SLC16A10: variants seen among roughly 807,000 people sequenced by gnomAD.
The protein encoded by SLC16A10 is monocarboxylate transporter 10.
In SLC16A10, 27 loss-of-function variants were observed where a neutral mutation model predicts 40.0. The ratio of observed to expected loss-of-function variants is 0.67; its 90% CI spans 0.50 to 0.93. The LOEUF (loss-of-function observed/expected upper bound fraction) is 0.93. Ranked by LOEUF, SLC16A10 falls within the 40% of genes least tolerant of loss-of-function variation. The pLI is 0.00. For missense variants in SLC16A10, 529 were observed against 658.2 expected, an observed-to-expected ratio of 0.80 and a Z score of 2.15; for synonymous variants, 213 against 249.8, an observed-to-expected ratio of 0.85 and a Z score of 1.39.
rs541758500 is a variant in SLC16A10, at chr6:111,089,908, G to GTTTTTTTTTTT, written c.343+1841_343+1851dup. ...TAGATCCTTTGGTGTCTGTGGGTGG[G>GTTTTTTTTTTT]TTTTTTTTTTTTTTTTTTTTTTTTT... On this transcript the variant is annotated intron_variant, in intron 1 of 5. Coordinates refer to ENST00000368851, the MANE Select transcript of SLC16A10 (RefSeq NM_018593.5). 4.6e-4 allele frequency among the ~76,000 whole-genome samples: 24 copies of GTTTTTTTTTTT among 52,334 alleles called. 10 individuals carry two copies. The highest frequency in any genetic ancestry group is 6.5e-4 in the Non-Finnish European group (17 of 26,258). The allele number at this position is 52,334 out of a possible 152,430, so 34.3% of individuals were successfully genotyped here.
chr6:111,163,570 A>G (rs1257460175), intron 1 of SLC16A10, among the ~76,000 whole-genome samples: 1 of 152,164 alleles, frequency 6.6e-6, no homozygotes, highest in Non-Finnish European at 1.5e-5. Flanking sequence ...AAGATTAAAC[A>G]TTATTTTTAT....
At position 111,178,148 on chromosome 6, in the gene SLC16A10, G is replaced by A. The variant is rs73765929; in HGVS notation, c.942+483G>A. On this transcript the variant is annotated intron_variant, in intron 3 of 5. Transcript: ENST00000368851. Reference sequence around the variant, plus strand: ...GGCTTTTATCAGGGACAAAGCTAGCGCTATGATTTTGCTACCATAAGTAAA... The same window carrying A: ...GGCTTTTATCAGGGACAAAGCTAGCACTATGATTTTGCTACCATAAGTAAA... Among the ~76,000 whole-genome samples, 159 of 152,306 alleles carry A rather than the reference G, an allele frequency of 1.0e-3. 2 individuals are homozygous for A. Among genetic ancestry groups the A allele is most frequent in the African/African-American group, 3.4e-3 (143 of 41,568 alleles).
chr6:111,170,892 A>G (rs539465243), intron 1 of SLC16A10, among the ~76,000 whole-genome samples: 168 of 151,898 alleles, frequency 1.1e-3, no homozygotes, highest in Middle Eastern at 0.01. Context: ...AATGCCAGCA[A>G]TTTGGGAGGC....
intron 1 of SLC16A10, among the ~76,000 whole-genome samples, chr6:111,171,826 A>AAG (rs1366759277): frequency 6.6e-6 from 1 of 151,826 alleles, no homozygotes; most frequent in Non-Finnish European, 1.5e-5. Context: ...AAAAAAAAAA[A>AAG]AAAAAAAAGG....
chr6:111,134,085 A>G (rs1771833397), intron 1 of SLC16A10, among the ~76,000 whole-genome samples: 1 of 152,220 alleles, frequency 6.6e-6, no homozygotes, highest in Non-Finnish European at 1.5e-5. Context: ...AATCTCTGGT[A>G]TCTCAGTCAG....
intron 3 of SLC16A10, among the ~76,000 whole-genome samples, chr6:111,200,886 T>C (rs564884633): frequency 6.6e-6 from 1 of 152,266 alleles, no homozygotes; most frequent in Non-Finnish European, 1.5e-5. Context: ...ATGCAGTAAA[T>C]GAGAAGCAAC....
chr6:111,111,646 G>A (rs745804343), intron 1 of SLC16A10, among the ~76,000 whole-genome samples: 7 of 152,062 alleles, frequency 4.6e-5, no homozygotes, highest in Non-Finnish European at 1.0e-4. Flanking sequence ...TTTAACCAAC[G>A]TCTGCCCATT....
intron 3 of SLC16A10, among the ~76,000 whole-genome samples, chr6:111,180,045 C>G (rs1285861817): frequency 6.6e-6 from 1 of 152,156 alleles, no homozygotes; most frequent in African/African-American, 2.4e-5. Context: ...CCTACTAAAC[C>G]CTTTATTGAC....
At chr6:111,101,111 G>C (rs983562737) in intron 1 of SLC16A10, among the ~76,000 whole-genome samples, 1 of 150,292 alleles carries the variant, frequency 6.7e-6, no homozygotes, top group Non-Finnish European at 1.5e-5. Flanking sequence ...GCTCACTGCA[G>C]CCTCGACCTC....
chr6:111,199,384 G>A (rs1003550438), intron 3 of SLC16A10, among the ~76,000 whole-genome samples: 19 of 149,858 alleles, frequency 1.3e-4, no homozygotes, highest in African/African-American at 3.7e-4. Flanking sequence ...GCTTGAATCC[G>A]GGAGGTGGAG....
At chr6:111,118,208 G>A (rs1449185212) in intron 1 of SLC16A10, among the ~76,000 whole-genome samples, 1 of 152,058 alleles carries the variant, frequency 6.6e-6, no homozygotes, top group African/African-American at 2.4e-5. Context: ...TCAAACCATT[G>A]GCCTCATAGG....
chr6:111,126,547 C>G (rs1178714130), intron 1 of SLC16A10, among the ~76,000 whole-genome samples: 1 of 152,098 alleles, frequency 6.6e-6, no homozygotes, highest in African/African-American at 2.4e-5. Context: ...AGCTTTATTG[C>G]TTACCACGTT....
chr6:111,206,656 G>T lies in SLC16A10; in HGVS notation c.1007G>T (p.Gly336Val). 1 of 1,614,088 alleles carries T rather than the reference G, an allele frequency of 6.2e-7. No individual in the cohort carries two copies. The highest frequency in any genetic ancestry group is 8.5e-7 in the Non-Finnish European group (1 of 1,180,022). ...KNKEVVLMCI[G>V]VTSGVGRLLF... ...AAAGAGGTTGTTCTCATGTGCATTG[G>T]CGTCACTTCAGGAGTTGGACGACTG... The change falls in exon 4 of 6, where the codon GGC becomes GTC. Residue 336 changes from glycine (G) to valine (V), a missense_variant. Physicochemically the swap from Gly to Val is moderately radical, Grantham distance 109. Coordinates refer to ENST00000368851, the MANE Select transcript of SLC16A10 (RefSeq NM_018593.5).
intron 1 of SLC16A10, among the ~76,000 whole-genome samples, chr6:111,165,432 A>G (rs547732695): frequency 1.3e-5 from 2 of 152,340 alleles, no homozygotes; most frequent in African/African-American, 4.8e-5. Flanking sequence ...GTGAAACAAG[A>G]TGCAAGAAGA....
chr6:111,172,646 T>A, intron 1 of SLC16A10, 49 bp from the exon 2 acceptor site: 1 of 1,591,690 alleles, frequency 6.3e-7, no homozygotes, highest in Middle Eastern at 1.7e-4. Flanking sequence ...TAAATACAAA[T>A]ATAACTTACC....
Position 111,091,936 on chromosome 6 carries a change from T to A in SLC16A10, c.343+3841T>A, listed in dbSNP as rs77897013. Among the ~76,000 whole-genome samples the A allele has an allele frequency of 2.5e-3, 382 of 152,298 alleles. 5 individuals carry two copies. In the East Asian group the frequency reaches 0.042, roughly 17 times the overall value. On this transcript the variant is annotated intron_variant, in intron 1 of 5. Transcript: ENST00000368851. ...TCAGCTGTTTCAAAGTAGCTTAGGA[T>A]CTGTTGTGGGATACAAATTAATAAC... is the stretch of plus-strand genomic sequence containing the variant.
intron 4 of SLC16A10, among the ~76,000 whole-genome samples, chr6:111,211,434 T>TG (rs1039350945): frequency 2.0e-5 from 3 of 152,202 alleles, no homozygotes; most frequent in Admixed American, 6.5e-5. Flanking sequence ...AAGTTAGTAT[T>TG]GGGGGTCAAA....
chr6:111,180,735 A>T (rs1772774480), intron 3 of SLC16A10, among the ~76,000 whole-genome samples: 1 of 152,104 alleles, frequency 6.6e-6, no homozygotes, highest in Non-Finnish European at 1.5e-5. Flanking sequence ...GGAGCCCAGG[A>T]GTTCAAGGCT....
At chr6:111,147,360 T>G (rs1416522864) in intron 1 of SLC16A10, among the ~76,000 whole-genome samples, 4 of 152,242 alleles carry the variant, frequency 2.6e-5, no homozygotes, top group African/African-American at 9.6e-5. Flanking sequence ...AAAGCAAAAC[T>G]GTTCTAGCAT....
Sources: allele counts gnomAD v4.1 joint callset (sites outside exome capture counted in the v4.1 genomes callset), GRCh38; gene constraint gnomAD v4.1.1; transcripts MANE v1.5; gene names NCBI Gene and HGNC (gene_info 2026-07-23, HGNC 2026-07-21).